The following BMX variants were observed in gnomAD, a reference collection of about 807,000 sequenced individuals.
The protein encoded by BMX is BMX non-receptor tyrosine kinase, also known as cytoplasmic tyrosine-protein kinase BMX.
In BMX, 31 loss-of-function variants were observed where a neutral mutation model predicts 59.2. The ratio of observed to expected loss-of-function variants is 0.52; its 90% CI spans 0.39 to 0.71. The LOEUF is 0.71. BMX is among the 30% of genes least tolerant of loss of function. The pLI, the probability that BMX is intolerant of heterozygous loss-of-function variation, is 0.00. For missense variants in BMX, 474 were observed against 491.7 expected (o/e 0.96, Z 0.34); for synonymous variants, 185 against 181.0 (o/e 1.02, Z -0.18).
In BMX at chrX:15,516,108, T is replaced by G; in HGVS notation, c.326-4T>G. On this transcript the variant is annotated splice_polypyrimidine_tract_variant and splice_region_variant and intron_variant, in intron 4 of 18. Coordinates refer to ENST00000348343, the MANE Select transcript of BMX (RefSeq NM_203281.3). ...GTCTTGTTTTCTTCCTGTCTGCTCCTCAGAGATAAGGGGTAACCCCCACCT... is the reference window on the plus strand; with the variant it reads ...GTCTTGTTTTCTTCCTGTCTGCTCCGCAGAGATAAGGGGTAACCCCCACCT... 1 of 1,209,234 alleles carries G rather than the reference T, an allele frequency of 8.3e-7. No individual in the cohort carries two copies. The highest frequency in any genetic ancestry group is 1.8e-5 in the South Asian group (1 of 56,664).
chrX:15,536,683 C>G (rs1925368845), intron 13 of BMX, among the ~76,000 whole-genome samples: 1 of 110,818 alleles, frequency 9.0e-6, no homozygotes, highest in African/African-American at 3.3e-5. Flanking sequence ...CTCCAGCACA[C>G]CATTGTCTGT....
rs73635822 is a variant in BMX at position 15,543,920 on chromosome X, C to T, written c.1676+785C>T. Among the ~76,000 whole-genome samples the T allele has an allele frequency of 2.0e-3, 220 of 111,975 alleles. 1 individual carries two copies. Among genetic ancestry groups the T allele is most frequent in the African/African-American group, 6.9e-3 (212 of 30,857 alleles). On this transcript the variant is annotated intron_variant, in intron 16 of 18. Transcript: ENST00000348343. ...TTTGCAAAGAAAACGAAGACATACACATTAACCTTTCTATTCAACATTTAT... is the reference window on the plus strand; with the variant it reads ...TTTGCAAAGAAAACGAAGACATACATATTAACCTTTCTATTCAACATTTAT...
chrX:15,512,186 G>T (rs1332699214), intron 4 of BMX, among the ~76,000 whole-genome samples: 1 of 111,284 alleles, frequency 9.0e-6, no homozygotes, highest in East Asian at 2.8e-4. Flanking sequence ...GGCCGCCCTG[G>T]TAACAACTTT....
chrX:15,542,567 A>G (rs892226125), intron 15 of BMX, among the ~76,000 whole-genome samples: 2 of 111,207 alleles, frequency 1.8e-5, no homozygotes, highest in Admixed American at 1.9e-4. Context: ...GAACATGAAA[A>G]AAAAAAAAGG....
At chrX:15,525,920 C>A (rs1291245335) in intron 8 of BMX, 122 bp from the exon 9 acceptor site, 2 of 566,334 alleles carry the variant, frequency 3.5e-6, no homozygotes, top group East Asian at 7.0e-5. Flanking sequence ...AAGGAGAAAC[C>A]TAACAATCTA....
Position 15,536,984 on chromosome X carries a change from G to A in BMX, c.1223-150G>A, listed in dbSNP as rs577898725. On this transcript the variant is annotated intron_variant, in intron 13 of 18. Transcript: ENST00000348343. ...GTAGCCACAAGACCACATCACTAAG[G>A]GTTTTTTTTTTTAACTTATCAACTT... 7 of 622,980 alleles carry A rather than the reference G, an allele frequency of 1.1e-5. No individual in the cohort carries two copies. The South Asian group carries it at 2.0e-4, about 18-fold the overall frequency. 51.3% of individuals were successfully genotyped at this position (622,980 alleles called of 1,213,427 possible).
At chrX:15,513,297 C>G (rs1180597220) in intron 4 of BMX, among the ~76,000 whole-genome samples, 1 of 112,058 alleles carries the variant, frequency 8.9e-6, no homozygotes, top group Non-Finnish European at 1.9e-5. Context: ...CCAAGCCTTC[C>G]CAGAAGCCTC....
chrX:15,534,243 G>T lies in BMX; in HGVS notation c.1051G>T (p.Val351Leu), dbSNP rs1013910902. The T allele has an allele frequency of 8.5e-7, 1 of 1,178,296 alleles. No individual in the cohort carries two copies. The highest frequency in any genetic ancestry group is 2.4e-5 in the Admixed American group (1 of 42,552). The change falls in exon 12 of 19, where the codon GTG becomes TTG. Residue 351 changes from valine (V) to leucine (L), a missense_variant. Transcript: ENST00000348343. Reference sequence around the variant, plus strand: ...AAAAGGAACTGTCAAACATTACCACGTGCATACAAATGCTGAGAACAAATT... The same window carrying T: ...AAAAGGAACTGTCAAACATTACCACTTGCATACAAATGCTGAGAACAAATT... ...DKKGTVKHYHVHTNAENKLYL... is the reference protein window; with the variant it reads ...DKKGTVKHYHLHTNAENKLYL...
At chrX:15,523,695 C>T in intron 7 of BMX, among the ~76,000 whole-genome samples, 1 of 111,631 alleles carries the variant, frequency 9.0e-6, no homozygotes, top group South Asian at 3.8e-4. Context: ...TAATTGTGTT[C>T]CAGGTCCCCT....
At chrX:15,548,409 A>G (rs959371480) in intron 17 of BMX, among the ~76,000 whole-genome samples, 1 of 111,381 alleles carries the variant, frequency 9.0e-6, no homozygotes, top group Non-Finnish European at 1.9e-5. Context: ...GTGAGCTGAG[A>G]TTGTGCCACT....
At chrX:15,527,283 T>TATATATATATATATATATAC (rs1285065649) in intron 9 of BMX, among the ~76,000 whole-genome samples, 1 of 65,863 alleles carries the variant, frequency 1.5e-5, no homozygotes, top group Non-Finnish European at 2.7e-5. Context: ...TATATATATA[T>TATATATATATATATATATAC]ACACACACAC....
chrX:15,512,686 G>A (rs1924007633), intron 4 of BMX, among the ~76,000 whole-genome samples: 1 of 112,129 alleles, frequency 8.9e-6, no homozygotes, highest in South Asian at 3.7e-4. Context: ...ATCCTGACCT[G>A]TCAAATAGGA....
chrX:15,510,546 T>C (rs1179163836), intron 3 of BMX, among the ~76,000 whole-genome samples: 7 of 110,691 alleles, frequency 6.3e-5, no homozygotes, highest in South Asian at 3.9e-4. Flanking sequence ...AATTACCCAA[T>C]TGGGGGAAAC....
intron 14 of BMX, among the ~76,000 whole-genome samples, chrX:15,538,599 C>T (rs945411935): frequency 1.8e-5 from 2 of 111,801 alleles, no homozygotes; most frequent in South Asian, 7.4e-4. Context: ...CCATAAGAAA[C>T]CTATGAGGGT....
At chrX:15,541,875 G>T in intron 14 of BMX, 107 bp from the exon 15 acceptor site, 1 of 693,271 alleles carries the variant, frequency 1.4e-6, no homozygotes, top group Non-Finnish European at 2.3e-6. Flanking sequence ...AGTGAAAGAG[G>T]GTGGGGGTGG....
intron 9 of BMX, among the ~76,000 whole-genome samples, chrX:15,527,668 G>A (rs1304638265): frequency 9.0e-6 from 1 of 111,521 alleles, no homozygotes. Context: ...GATTACATGT[G>A]AAACGAGAGC....
At chrX:15,539,889 A>G (rs1236372618) in intron 14 of BMX, among the ~76,000 whole-genome samples, 1 of 112,476 alleles carries the variant, frequency 8.9e-6, no homozygotes, top group Non-Finnish European at 1.9e-5. Flanking sequence ...ATACCATTTC[A>G]CGCCATTTAG....
chrX:15,538,656 G>T (rs918457734), intron 14 of BMX, among the ~76,000 whole-genome samples: 1 of 111,921 alleles, frequency 8.9e-6, no homozygotes, highest in Non-Finnish European at 1.9e-5. Context: ...GCACAGAAAT[G>T]TTGAATAACT....
chrX:15,534,434 G>A, intron 12 of BMX, 95 bp downstream of exon 12: 2 of 807,813 alleles, frequency 2.5e-6, no homozygotes, highest in Non-Finnish European at 1.6e-6. Context: ...AATTATATAG[G>A]GAACCATGAA....
Sources: gnomAD v4.1 joint callset for allele counts (sites outside exome capture counted in the v4.1 genomes callset) on GRCh38, gnomAD v4.1.1 for gene constraint, MANE v1.5 for transcripts, NCBI Gene and HGNC (gene_info 2026-07-23, HGNC 2026-07-21) for gene names.